The following TTC23L variants were observed in gnomAD, a reference collection of about 807,000 sequenced individuals.
TTC23L encodes tetratricopeptide repeat domain 23 like, also known as tetratricopeptide repeat protein 23-like.
In TTC23L, 42 loss-of-function variants were observed where a neutral mutation model predicts 48.1. The observed-to-expected ratio is 0.87, with a 90% CI of 0.68 to 1.13. The LOEUF is 1.13. Ranked by LOEUF, TTC23L falls within the 50% of genes most tolerant of loss-of-function variation. The pLI is 0.00. For synonymous variants in TTC23L, 159 were observed against 157.2 expected, an observed-to-expected ratio of 1.01 and a Z score of -0.09; for missense variants, 391 against 421.0, an observed-to-expected ratio of 0.93 and a Z score of 0.62.
chr5:34,840,111 C>T (rs1215644202), intron 1 of TTC23L, among the ~76,000 whole-genome samples: 1 of 152,066 alleles, frequency 6.6e-6, no homozygotes, highest in African/African-American at 2.4e-5. Context: ...AGGCTGGTCT[C>T]GAACTCCTGA....
chr5:34,840,192 C>A (rs1758498439), intron 1 of TTC23L, among the ~76,000 whole-genome samples: 1 of 135,134 alleles, frequency 7.4e-6, no homozygotes, highest in Admixed American at 9.2e-5. Flanking sequence ...GTACCCGCCT[C>A]GTGACCCCTG....
At chr5:34,878,197 T>G (rs1216658160) in intron 8 of TTC23L, among the ~76,000 whole-genome samples, 1 of 152,188 alleles carries the variant, frequency 6.6e-6, no homozygotes. Flanking sequence ...AACAAAACTC[T>G]GATGCAAGAA....
the TTC23L span, chr5:34,913,501 A>G: frequency 1.3e-6 from 2 of 1,596,382 alleles, no homozygotes; most frequent in Non-Finnish European, 1.7e-6. Flanking sequence ...AAATAGATAA[A>G]CAGTCTAAAA....
At chr5:34,840,710 T>C in exon 2 of TTC23L, 1 of 1,613,954 alleles carries the variant, frequency 6.2e-7, no homozygotes, top group Non-Finnish European at 8.5e-7. Context: ...CTGTTAGCAA[T>C]GACATCGACT....
chr5:34,860,449 A>G (rs1760519114), intron 4 of TTC23L, among the ~76,000 whole-genome samples: 1 of 152,252 alleles, frequency 6.6e-6, no homozygotes, highest in African/African-American at 2.4e-5. Flanking sequence ...ATTAGTTCTT[A>G]CAAATGGGAA....
intron 3 of TTC23L, among the ~76,000 whole-genome samples, chr5:34,849,661 C>A (rs866440964): frequency 6.6e-6 from 1 of 152,056 alleles, no homozygotes; most frequent in African/African-American, 2.4e-5. Context: ...AAGTCCATAT[C>A]TTTTAGAGGT....
the TTC23L span, among the ~76,000 whole-genome samples, chr5:34,909,555 A>G: frequency 3.3e-5 from 5 of 152,134 alleles, no homozygotes; most frequent in African/African-American, 1.2e-4. Flanking sequence ...GGGTTTGAAG[A>G]AAATCAATTG....
At chr5:34,872,597 A>G (rs1032296747) in intron 8 of TTC23L, among the ~76,000 whole-genome samples, 1 of 152,214 alleles carries the variant, frequency 6.6e-6, no homozygotes, top group Admixed American at 6.5e-5. Flanking sequence ...GTAAATTGAT[A>G]TTAAATTTGG....
chr5:34,848,013 T>C (rs923329627), intron 3 of TTC23L, among the ~76,000 whole-genome samples: 2 of 152,164 alleles, frequency 1.3e-5, no homozygotes, highest in African/African-American at 4.8e-5. Flanking sequence ...CACTGAATCA[T>C]TTGGACACTA....
At position 34,858,700 on chromosome 5, in the gene TTC23L, A is replaced by T. The variant is rs571186153; in HGVS notation, c.380-4198A>T. Among the ~76,000 whole-genome samples, 22 of 152,250 alleles carry T rather than the reference A, an allele frequency of 1.4e-4. No homozygotes were observed. The East Asian group carries it at 4.0e-3, about 28-fold the overall frequency. ...GCTTCAGATAAAAAAAAAATAGAGA[A>T]GTTTTGATTTCCCCCTCACACTCTT... is the stretch of plus-strand genomic sequence containing the variant. On this transcript the variant is annotated intron_variant, in intron 4 of 10. Transcript: ENST00000505624.
the TTC23L span, chr5:34,922,772 A>C: frequency 1.6e-5 from 26 of 1,613,110 alleles, no homozygotes; most frequent in Admixed American, 4.2e-4. Context: ...TGACCCTGTA[A>C]GTTTCTCATT....
At chr5:34,851,259 CT>C (rs1340982304) in intron 4 of TTC23L, among the ~76,000 whole-genome samples, 1 of 152,022 alleles carries the variant, frequency 6.6e-6, no homozygotes, top group Non-Finnish European at 1.5e-5. Flanking sequence ...GCTTTATGGG[CT>C]TAAGTGATTT....
intron 4 of TTC23L, among the ~76,000 whole-genome samples, chr5:34,858,149 G>C (rs1460101963): frequency 6.6e-6 from 1 of 152,210 alleles, no homozygotes; most frequent in Non-Finnish European, 1.5e-5. Flanking sequence ...AGCAGGCCTT[G>C]CTGCCCCTCT....
the TTC23L span, among the ~76,000 whole-genome samples, chr5:34,911,173 T>C: frequency 8.5e-5 from 13 of 152,200 alleles, no homozygotes; most frequent in Non-Finnish European, 1.0e-4. Flanking sequence ...GTAGAAAACA[T>C]CTTCTTCTGC....
intron 2 of TTC23L, among the ~76,000 whole-genome samples, chr5:34,843,983 A>T (rs1758905858): frequency 6.7e-6 from 1 of 150,362 alleles, no homozygotes; most frequent in Non-Finnish European, 1.5e-5. Flanking sequence ...AAACAACAAT[A>T]AAAAAAAATC....
chr5:34,885,170 C>T (rs1183297482), intron 9 of TTC23L, among the ~76,000 whole-genome samples: 3 of 152,156 alleles, frequency 2.0e-5, no homozygotes, highest in Non-Finnish European at 2.9e-5. Flanking sequence ...TGCTGAAAGA[C>T]AATTAGCCTA....
intron 4 of TTC23L, among the ~76,000 whole-genome samples, chr5:34,851,611 T>G (rs558979400): frequency 4.6e-5 from 7 of 152,182 alleles, no homozygotes; most frequent in Non-Finnish European, 7.3e-5. Flanking sequence ...AATGTCCTTA[T>G]GTACTGGCAG....
At chr5:34,905,637 AAGAG>A in the TTC23L span, 1 of 152,312 alleles carries the variant, frequency 6.6e-6, no homozygotes, top group East Asian at 1.9e-4. Flanking sequence ...TTTTACTAGA[AAGAG>A]AGATAAACTT....
chr5:34,906,887 G>GT, the TTC23L span: 1 of 151,848 alleles, frequency 6.6e-6, no homozygotes, highest in Non-Finnish European at 1.5e-5. Flanking sequence ...ATTTTCCCAA[G>GT]TATCTTTTAG....
Sources: allele counts gnomAD v4.1 joint callset (sites outside exome capture counted in the v4.1 genomes callset), GRCh38; gene constraint gnomAD v4.1.1; transcripts MANE v1.5; gene names NCBI Gene and HGNC (gene_info 2026-07-23, HGNC 2026-07-21).